Variants in OR4D9 observed in about 807,000 individuals in gnomAD.
OR4D9 encodes olfactory receptor 4D9.
A neutral mutation model predicts 0.8 loss-of-function variants in OR4D9; 2 were observed. That is an observed-to-expected ratio of 2.58 (90% CI 1.06 to 8.13). The LOEUF is 8.13. Among genes scored for constraint, OR4D9 ranks in the 30% most tolerant of loss-of-function variants. The pLI is 0.04. For synonymous variants in OR4D9, 146 were observed against 151.2 expected, an observed-to-expected ratio of 0.97 and a Z score of 0.25; for missense variants, 399 against 384.7, an observed-to-expected ratio of 1.04 and a Z score of -0.31.
In OR4D9 at chr11:59,515,227, C is replaced by A. The variant is rs915263202; in HGVS notation, c.315C>A (p.His105Gln). Residue 105 changes from histidine (H) to glutamine (Q), a missense_variant, in exon 3 of 3, where the codon CAC (histidine) becomes CAA (glutamine). Transcript: ENST00000641962. ...GTGTCACTCAAATGTTCTTCTTCCA[C>A]CTTCTGGGGGGAGCAGACGTTTTTT... ...SGCVTQMFFF[H>Q]LLGGADVFSL... is the part of the protein sequence containing the mutation. 1.5e-5 allele frequency: 24 copies of A among 1,614,028 alleles called. No homozygotes were observed. The highest frequency in any genetic ancestry group is 1.9e-5 in the Non-Finnish European group (23 of 1,180,006).
intron 2 of OR4D9, 52 bp from the exon 3 acceptor site, chr11:59,514,831 C>T: frequency 1.1e-6 from 1 of 933,494 alleles, no homozygotes; most frequent in Non-Finnish European, 1.7e-6. Context: ...AAAGACAACA[C>T]TAGATTTTAG....
intron 1 of OR4D9, among the ~76,000 whole-genome samples, chr11:59,514,204 G>A (rs1052077281): frequency 2.0e-5 from 3 of 152,178 alleles, no homozygotes; most frequent in African/African-American, 7.2e-5. Context: ...AAATAGCAAA[G>A]TGGTTATACC....
chr11:59,520,552 T>A lies in OR4D9; in HGVS notation c.*4695T>A, dbSNP rs1565095275. On this transcript the variant is annotated 3_prime_UTR_variant, in exon 3 of 3. Coordinates refer to ENST00000641962, the MANE Select transcript of OR4D9 (RefSeq NM_001004711.2). ...GCACAGCACACCAGCATGGCACATG[T>A]ATATGTATGTAACTAACCTGCACAT... 6.6e-6 allele frequency: 1 copy of A among 151,756 alleles called. No individual in the cohort carries two copies. The highest frequency in any genetic ancestry group is 1.5e-5 in the Non-Finnish European group (1 of 67,954). 9.4% of individuals were successfully genotyped at this position (151,756 alleles called of 1,614,324 possible). A position where few individuals can be genotyped will look rare whatever the true frequency, so the allele number is the denominator to read the frequency against.
chr11:59,515,348 G>A lies in OR4D9; in HGVS notation c.436G>A (p.Val146Met), dbSNP rs553615128. The A allele has an allele frequency of 1.2e-4, 193 of 1,613,776 alleles. No homozygotes were observed. Among genetic ancestry groups the A allele is most frequent in the Admixed American group, 2.0e-4 (12 of 59,988 alleles). Residue 146 changes from valine to methionine, a missense_variant, in exon 3 of 3, where the codon GTG (valine) becomes ATG (methionine). By Grantham distance (21) the Val-to-Met change is conservative. Coordinates refer to ENST00000641962, the MANE Select transcript of OR4D9 (RefSeq NM_001004711.2). ...MSRGRCTGLI[V>M]ASWVGGFVHS... ...TAGGGGGCGATGCACAGGCCTCATC[G>A]TGGCTTCCTGGGTGGGGGGCTTTGT... is the stretch of plus-strand genomic sequence containing the variant.
At position 59,516,007 on chromosome 11, in the gene OR4D9, C is replaced by G; in HGVS notation, c.*150C>G. Reference sequence around the variant, plus strand: ...ATTCCATCATATATGTTGGGGACCACGTGGATGATACTGCTCTAAGACAAA... The same window carrying G: ...ATTCCATCATATATGTTGGGGACCAGGTGGATGATACTGCTCTAAGACAAA... On this transcript the variant is annotated 3_prime_UTR_variant, in exon 3 of 3. Coordinates refer to ENST00000641962, the MANE Select transcript of OR4D9 (RefSeq NM_001004711.2). The G allele has an allele frequency of 1.6e-6, 1 of 622,466 alleles. No individual in the cohort carries two copies. Among genetic ancestry groups the G allele is most frequent in the Non-Finnish European group, 2.8e-6 (1 of 362,804 alleles). 38.6% of individuals were successfully genotyped at this position (622,466 alleles called of 1,614,324 possible).
rs764833219 is a variant in OR4D9 at position 59,515,620 on chromosome 11, C to A, written c.708C>A (p.Ala236=). ...RSHTGEGRRK[A]ISTCTSHITV... is the part of the protein sequence containing the mutation. ...ACACTGGGGAAGGCAGGAGGAAAGCCATCTCCACCTGCACCTCCCACATCA... is the reference window on the plus strand; with the variant it reads ...ACACTGGGGAAGGCAGGAGGAAAGCAATCTCCACCTGCACCTCCCACATCA... The change falls in exon 3 of 3, where the codon GCC becomes GCA. Residue 236 remains alanine (A), a synonymous_variant. Transcript: ENST00000641962. 26 of 1,614,008 alleles carry A rather than the reference C, an allele frequency of 1.6e-5. No homozygotes were observed. The highest frequency in any genetic ancestry group is 2.2e-5 in the Non-Finnish European group (26 of 1,180,028).
rs1288567898 is a variant in OR4D9 at position 59,516,836 on chromosome 11, CG to C, written c.*982del. ...ATCCCAGCACTTTGGGAGGCCAAGG[CG>C]GGTGGATCACAAGGTCAGGAGATCG... On this transcript the variant is annotated 3_prime_UTR_variant, in exon 3 of 3. Transcript: ENST00000641962. The C allele has an allele frequency of 6.6e-6, 1 of 152,096 alleles. No homozygotes were observed. Among genetic ancestry groups the C allele is most frequent in the Non-Finnish European group, 1.5e-5 (1 of 68,056 alleles). The allele number at this position is 152,096 out of a possible 1,614,324, so 9.4% of individuals were successfully genotyped here.
intron 1 of OR4D9, among the ~76,000 whole-genome samples, chr11:59,512,599 G>A (rs769122555): frequency 8.6e-5 from 13 of 151,744 alleles, no homozygotes; most frequent in Admixed American, 6.6e-4. Context: ...CCAGGCAGGT[G>A]GTTCACTTGA....
intron 1 of OR4D9, among the ~76,000 whole-genome samples, chr11:59,514,279 T>C (rs993442041): frequency 2.0e-5 from 3 of 152,240 alleles, no homozygotes; most frequent in Non-Finnish European, 4.4e-5. Context: ...CCACCACTTT[T>C]TCATCTTTTC....
chr11:59,516,776 TGATAATA>T lies in OR4D9; in HGVS notation c.*921_*927del, dbSNP rs1309056364. On this transcript the variant is annotated 3_prime_UTR_variant, in exon 3 of 3. Transcript: ENST00000641962. ...GAAACCTCATCTCTACAAAAAATCA[TGATAATA>T]GGCCGGGCGCGGTGGCTTATGCCTG... 6.6e-6 allele frequency: 1 copy of T among 151,080 alleles called. No homozygotes were observed. Among genetic ancestry groups the T allele is most frequent in the Non-Finnish European group, 1.5e-5 (1 of 67,816 alleles). The allele number at this position is 151,080 out of a possible 1,614,324, so 9.4% of individuals were successfully genotyped here.
At chr11:59,511,801 T>C (rs185361910) in intron 1 of OR4D9, 55 bp downstream of exon 1, 3 of 152,306 alleles carry the variant, frequency 2.0e-5, no homozygotes, top group Non-Finnish European at 4.4e-5. Context: ...TATAGGAAGA[T>C]GGTCAGTTGG....
At position 59,518,781 on chromosome 11, in the gene OR4D9, T is replaced by C. The variant is rs1017196305; in HGVS notation, c.*2924T>C. The C allele has an allele frequency of 6.6e-6, 1 of 152,230 alleles. No individual in the cohort carries two copies. The highest frequency in any genetic ancestry group is 1.5e-5 in the Non-Finnish European group (1 of 68,154). The allele number at this position is 152,230 out of a possible 1,614,324, so 9.4% of individuals were successfully genotyped here. A position where few individuals can be genotyped will look rare whatever the true frequency, so the allele number is the denominator to read the frequency against. On this transcript the variant is annotated 3_prime_UTR_variant, in exon 3 of 3. Coordinates refer to ENST00000641962, the MANE Select transcript of OR4D9 (RefSeq NM_001004711.2). ...AGAAAGGGAGAGAAATTAAGAATTA[T>C]GGGGAAGGGAGGGGTGTGTCTTTAT... is the stretch of plus-strand genomic sequence containing the variant.
chr11:59,518,948 A>G lies in OR4D9; in HGVS notation c.*3091A>G, dbSNP rs1424459741. 1 of 152,252 alleles carries G rather than the reference A, an allele frequency of 6.6e-6. No individual in the cohort carries two copies. The highest frequency in any genetic ancestry group is 1.9e-4 in the East Asian group (1 of 5,202). 9.4% of individuals were successfully genotyped at this position (152,252 alleles called of 1,614,324 possible). On this transcript the variant is annotated 3_prime_UTR_variant, in exon 3 of 3. Transcript: ENST00000641962. ...CAGAAAGAAGAAAATATGAAGAATG[A>G]ACTCTAGTGATCTCTTCCACATGTA...
Position 59,518,988 on chromosome 11 carries a change from G to A in OR4D9, c.*3131G>A, listed in dbSNP as rs1400532342. The A allele has an allele frequency of 6.6e-6, 1 of 152,194 alleles. No homozygotes were observed. The highest frequency in any genetic ancestry group is 1.5e-5 in the Non-Finnish European group (1 of 68,040). The allele number at this position is 152,194 out of a possible 1,614,324, so 9.4% of individuals were successfully genotyped here. ...TTCCACATGTAAGATTCACTGCTAA[G>A]AAATCACAGTTGGGTTACATTACAA... On this transcript the variant is annotated 3_prime_UTR_variant, in exon 3 of 3. Coordinates refer to ENST00000641962, the MANE Select transcript of OR4D9 (RefSeq NM_001004711.2).
chr11:59,515,993 T>C lies in OR4D9; in HGVS notation c.*136T>C. 1 of 663,268 alleles carries C rather than the reference T, an allele frequency of 1.5e-6. No individual in the cohort carries two copies. Among genetic ancestry groups the C allele is most frequent in the Admixed American group, 2.9e-5 (1 of 33,924 alleles). 41.1% of individuals were successfully genotyped at this position (663,268 alleles called of 1,614,324 possible). On this transcript the variant is annotated 3_prime_UTR_variant, in exon 3 of 3. Coordinates refer to ENST00000641962, the MANE Select transcript of OR4D9 (RefSeq NM_001004711.2). ...TCCTAAAAGAAGTTATTCCATCATA[T>C]ATGTTGGGGACCACGTGGATGATAC...
Position 59,515,481 on chromosome 11 carries a change from C to T in OR4D9, c.569C>T (p.Thr190Ile), listed in dbSNP as rs1428132361. 1 of 1,614,096 alleles carries T rather than the reference C, an allele frequency of 6.2e-7. No homozygotes were observed. The highest frequency in any genetic ancestry group is 8.5e-7 in the Non-Finnish European group (1 of 1,180,054). Residue 190 changes from threonine to isoleucine, a missense_variant, in exon 3 of 3, where the codon ACT becomes ATT. Coordinates refer to ENST00000641962, the MANE Select transcript of OR4D9 (RefSeq NM_001004711.2). ...DVPQVLKLAC[T>I]DTFTLELLMI... ...CCCCAGGTCCTCAAACTTGCCTGCA[C>T]TGACACCTTCACTCTGGAGCTCCTG...
rs1179943098 is a variant in OR4D9, at chr11:59,519,896, C to T, written c.*4039C>T. The T allele has an allele frequency of 6.6e-6, 1 of 152,130 alleles. No individual in the cohort carries two copies. The highest frequency in any genetic ancestry group is 2.4e-5 in the African/African-American group (1 of 41,430). The allele number at this position is 152,130 out of a possible 1,614,324, so 9.4% of individuals were successfully genotyped here. On this transcript the variant is annotated 3_prime_UTR_variant, in exon 3 of 3. Transcript: ENST00000641962. The stretch of plus-strand genomic sequence containing the variant: ...ACATTTTTAAAAATGAATTCATGTG[C>T]TTTACAGTAACATGGATGCAGCTGG...
At position 59,515,574 on chromosome 11, in the gene OR4D9, T is replaced by C. The variant is rs940491695; in HGVS notation, c.662T>C (p.Ile221Thr). 6.2e-6 allele frequency: 10 copies of C among 1,614,052 alleles called. No homozygotes were observed. The highest frequency in any genetic ancestry group is 8.5e-6 in the Non-Finnish European group (10 of 1,180,040). ...TTTCTCCTCATATCTTACACGGTCA[T>C]CTTGATGATGCTGAGGTCTCACACT... The part of the protein sequence containing the change: ...FFFLLISYTV[I>T]LMMLRSHTGE... The change falls in exon 3 of 3, where the codon ATC (isoleucine) becomes ACC (threonine). Residue 221 changes from isoleucine (I) to threonine (T), a missense_variant. Ile to Thr is a moderately conservative substitution (Grantham distance 89). Transcript: ENST00000641962.
chr11:59,511,975 G>A (rs1002541430), intron 1 of OR4D9, among the ~76,000 whole-genome samples: 6 of 152,152 alleles, frequency 3.9e-5, no homozygotes, highest in Admixed American at 2.6e-4. Context: ...CCTCTTGGCT[G>A]GGAATGAAAT....
Sources: allele counts gnomAD v4.1 joint callset (sites outside exome capture counted in the v4.1 genomes callset), GRCh38; gene constraint gnomAD v4.1.1; transcripts MANE v1.5; gene names NCBI Gene and HGNC (gene_info 2026-07-23, HGNC 2026-07-21).